SPINK1: variants seen among roughly 807,000 people sequenced by gnomAD.
SPINK1 encodes serine peptidase inhibitor Kazal type 1, also known as serine protease inhibitor Kazal-type 1.
A neutral mutation model predicts 9.5 loss-of-function variants in SPINK1; 5 were observed. The ratio of observed to expected loss-of-function variants is 0.52; its 90% CI spans 0.27 to 1.10. The LOEUF (loss-of-function observed/expected upper bound fraction) is 1.10. SPINK1 is among the 50% of genes least tolerant of loss of function. The probability of loss-of-function intolerance (pLI) is 0.11; values close to 1 mark genes in which losing one functional copy is unlikely to be tolerated. For synonymous variants in SPINK1, 37 were observed against 32.3 expected, an observed-to-expected ratio of 1.14 and a Z score of -0.49; for missense variants, 88 against 92.7, an observed-to-expected ratio of 0.95 and a Z score of 0.21.
At chr5:147,838,112 A>G in the SPINK1 span, among the ~76,000 whole-genome samples, 1 of 152,118 alleles carries the variant, frequency 6.6e-6, no homozygotes, top group Non-Finnish European at 1.5e-5. Context: ...ATAGACCTCT[A>G]AGTCTCGTTT....
chr5:147,832,519 A>G (rs1334005210), upstream of SPINK1, among the ~76,000 whole-genome samples: 1 of 152,166 alleles, frequency 6.6e-6, no homozygotes, highest in African/African-American at 2.4e-5. Context: ...TGTTTAGTGT[A>G]ATAAAGTTAA....
upstream of SPINK1, among the ~76,000 whole-genome samples, chr5:147,836,575 G>A (rs756270576): frequency 6.6e-6 from 1 of 152,080 alleles, no homozygotes; most frequent in Non-Finnish European, 1.5e-5. Context: ...AGATCCAGTG[G>A]CACCTGATAA....
chr5:147,827,778 T>C, intron 3 of SPINK1: 1 of 387,684 alleles, frequency 2.6e-6, no homozygotes, highest in East Asian at 4.7e-5. Context: ...ATTTTGTGTG[T>C]ACTTTATAAA....
chr5:147,839,196 T>G, the SPINK1 span, among the ~76,000 whole-genome samples: 15 of 152,270 alleles, frequency 9.9e-5, 1 homozygote, highest in Admixed American at 9.8e-4. Context: ...GGAGAAGTAT[T>G]GAGCAAAAGG....
intron 3 of SPINK1, chr5:147,827,365 C>G (rs894047341): frequency 1.3e-5 from 2 of 152,338 alleles, no homozygotes; most frequent in African/African-American, 4.8e-5. Flanking sequence ...CTTTCTTGGC[C>G]CCTTTTAATA....
rs886503446 is a variant in SPINK1, at chr5:147,829,539, A to G, written c.87+60T>C. On this transcript the variant is annotated intron_variant, in intron 2 of 3. Transcript: ENST00000296695. ...AACTGAAAGGTGACAGCAAGGCTGC[A>G]TTTTTGTTGGATCAAACTGTTCCAG... 1.7e-5 allele frequency: 27 copies of G among 1,544,706 alleles called. 1 individual carries two copies. Among genetic ancestry groups the G allele is most frequent in the South Asian group, 9.0e-5 (8 of 89,202 alleles).
At chr5:147,834,791 A>G (rs1756567269), upstream of SPINK1, among the ~76,000 whole-genome samples, 2 of 152,134 alleles carry the variant, frequency 1.3e-5, no homozygotes, top group South Asian at 4.1e-4. Context: ...CTTTTTAAAC[A>G]TTTTGACTGT....
At chr5:147,827,224 CCG>C (rs1445822488) in intron 3 of SPINK1, 2 of 152,074 alleles carry the variant, frequency 1.3e-5, no homozygotes, top group Non-Finnish European at 2.9e-5. Flanking sequence ...TTATAGGCGC[CCG>C]CCACCATGGG....
At chr5:147,836,296 TTGTGTGTG>T (rs58122057), upstream of SPINK1, among the ~76,000 whole-genome samples, 20,465 of 146,436 alleles carry the variant, frequency 0.14, 1,452 homozygotes, top group Middle Eastern at 0.23. Context: ...ATTTACTGAT[TTGTGTGTG>T]TGTGTGTGTG....
chr5:147,824,792 C>A, intron 3 of SPINK1, 86 bp from the exon 4 acceptor site: 2 of 1,220,602 alleles, frequency 1.6e-6, no homozygotes, highest in Non-Finnish European at 1.2e-6. Context: ...GGAAAAATAA[C>A]AGCTTCATTT....
At chr5:147,831,823 T>C, upstream of SPINK1, 1 of 1,375,568 alleles carries the variant, frequency 7.3e-7, no homozygotes, top group Non-Finnish European at 9.4e-7. Context: ...AAGGCAAAGA[T>C]TCTGTCAGGA....
At chr5:147,826,160 T>C (rs975755983) in intron 3 of SPINK1, among the ~76,000 whole-genome samples, 1 of 152,234 alleles carries the variant, frequency 6.6e-6, no homozygotes, top group African/African-American at 2.4e-5. Flanking sequence ...TTATTGAATA[T>C]ATTTGCCAAG....
chr5:147,832,664 T>C (rs1370706057), upstream of SPINK1, among the ~76,000 whole-genome samples: 1 of 152,184 alleles, frequency 6.6e-6, no homozygotes, highest in African/African-American at 2.4e-5. Flanking sequence ...TAAATTGGCC[T>C]GTGGAAATTG....
rs551997711 is a variant in SPINK1 at position 147,824,953 on chromosome 5, T to A, written c.195-247A>T. Among the ~76,000 whole-genome samples the A allele has an allele frequency of 2.6e-5, 4 of 152,346 alleles. No individual in the cohort carries two copies. The South Asian group carries it at 8.3e-4, about 32-fold the overall frequency. The stretch of plus-strand genomic sequence containing the variant: ...GGAAAAATATCTGTCCTTACAGTTT[T>A]TACAGATCTCGTGGGGTGTTACAGT... On this transcript the variant is annotated intron_variant, in intron 3 of 3. Coordinates refer to ENST00000296695, the MANE Select transcript of SPINK1 (RefSeq NM_001379610.1).
chr5:147,833,986 G>T (rs10463391), upstream of SPINK1, among the ~76,000 whole-genome samples: 32,237 of 151,960 alleles, frequency 0.21, 3,759 homozygotes, highest in East Asian at 0.54. Flanking sequence ...AGGTTAAAAG[G>T]TTAAGTGGTA....
At position 147,831,582 on chromosome 5, in the gene SPINK1, G is replaced by A. The variant is rs917374711; in HGVS notation, c.-5C>T. On this transcript the variant is annotated 5_prime_UTR_variant, in exon 1 of 4. Coordinates refer to ENST00000296695, the MANE Select transcript of SPINK1 (RefSeq NM_001379610.1). ...AAAGATGCCTGTTACCTTCATGGCT[G>A]AAGTTCTGCGTCCAGAGGTCAGTTG... 1 of 1,613,502 alleles carries A rather than the reference G, an allele frequency of 6.2e-7. No individual in the cohort carries two copies. Among genetic ancestry groups the A allele is most frequent in the South Asian group, 1.1e-5 (1 of 91,066 alleles).
the SPINK1 span, among the ~76,000 whole-genome samples, chr5:147,837,706 T>TTTCC: frequency 2.8e-4 from 41 of 148,444 alleles, no homozygotes; most frequent in African/African-American, 1.0e-3. Flanking sequence ...TCTTTCTTTC[T>TTTCC]TTCTTTCTTT....
upstream of SPINK1, among the ~76,000 whole-genome samples, chr5:147,833,977 G>A (rs1756553084): frequency 6.6e-6 from 1 of 152,024 alleles, no homozygotes; most frequent in South Asian, 2.1e-4. Context: ...CACCTTCTAA[G>A]GTTAAAAGGT....
intron 3 of SPINK1, chr5:147,827,158 C>T (rs1756421741): frequency 6.6e-6 from 1 of 152,030 alleles, no homozygotes; most frequent in Admixed American, 6.5e-5. Flanking sequence ...CTCACTGCAA[C>T]CTCTGCCTCC....
Sources: allele counts gnomAD v4.1 joint callset (sites outside exome capture counted in the v4.1 genomes callset), GRCh38; gene constraint gnomAD v4.1.1; transcripts MANE v1.5; gene names NCBI Gene and HGNC (gene_info 2026-07-23, HGNC 2026-07-21).